VMP1: variants seen among roughly 807,000 people sequenced by gnomAD.
The protein encoded by VMP1 is ectopic P-granules autophagy protein 3 homolog.
A neutral mutation model predicts 56.0 loss-of-function variants in VMP1; 11 were observed. The observed-to-expected ratio is 0.20, with a 90% CI of 0.12 to 0.32. The LOEUF (loss-of-function observed/expected upper bound fraction) is 0.32, where lower values mean the gene tolerates loss of function less well. Among genes scored for constraint, VMP1 ranks in the 10% least tolerant of loss-of-function variants. VMP1 has a pLI of 1.00. For synonymous variants in VMP1, 149 were observed against 165.0 expected, an observed-to-expected ratio of 0.90 and a Z score of 0.74; for missense variants, 296 against 490.3, an observed-to-expected ratio of 0.60 and a Z score of 3.74.
intron 7 of VMP1, among the ~76,000 whole-genome samples, chr17:59,789,475 C>T (rs975176133): frequency 2.0e-5 from 3 of 151,684 alleles, no homozygotes; most frequent in Non-Finnish European, 4.4e-5. Context: ...GCGGAGGTTG[C>T]AGTGAGCCAA....
chr17:59,777,951 T>C (rs1473048597), intron 7 of VMP1, among the ~76,000 whole-genome samples: 1 of 152,218 alleles, frequency 6.6e-6, no homozygotes, highest in African/African-American at 2.4e-5. Context: ...TTTCCCTCTT[T>C]AGTCTCTGTT....
At chr17:59,824,750 G>A (rs1568217715) in intron 10 of VMP1, among the ~76,000 whole-genome samples, 1 of 149,572 alleles carries the variant, frequency 6.7e-6, no homozygotes, top group African/African-American at 2.5e-5. Context: ...ATGGGTGCCT[G>A]TAGTCCCAGC....
chr17:59,809,302 A>C (rs2037961097), intron 8 of VMP1, among the ~76,000 whole-genome samples: 1 of 97,838 alleles, frequency 1.0e-5, no homozygotes, highest in Admixed American at 1.3e-4. Flanking sequence ...TGGCCCATTC[A>C]ACTTTTTTTT....
intron 10 of VMP1, among the ~76,000 whole-genome samples, chr17:59,819,117 A>G (rs755860076): frequency 3.0e-4 from 46 of 152,336 alleles, no homozygotes; most frequent in Non-Finnish European, 6.3e-4. Context: ...CAGTGGAGCC[A>G]GTCATTAGTT....
intron 1 of VMP1, among the ~76,000 whole-genome samples, chr17:59,714,652 G>C (rs889985114): frequency 6.6e-6 from 1 of 151,842 alleles, no homozygotes; most frequent in African/African-American, 2.4e-5. Context: ...TGTTTTTGGT[G>C]GGGGGTGGGG....
intron 2 of VMP1, among the ~76,000 whole-genome samples, chr17:59,734,346 C>T (rs1443258321): frequency 2.6e-5 from 4 of 152,090 alleles, no homozygotes; most frequent in African/African-American, 4.8e-5. Context: ...ATATACAACG[C>T]GGATGTACTA....
At chr17:59,816,815 G>A (rs536344491) in intron 9 of VMP1, among the ~76,000 whole-genome samples, 136 of 151,684 alleles carry the variant, frequency 9.0e-4, no homozygotes, top group African/African-American at 3.1e-3. Context: ...GCGTGGTGTC[G>A]TGCGCCTGTA....
chr17:59,796,751 ATTCTT>A (rs147757139), intron 7 of VMP1, among the ~76,000 whole-genome samples: 81 of 152,300 alleles, frequency 5.3e-4, no homozygotes, highest in African/African-American at 1.9e-3. Context: ...TGACAAACAC[ATTCTT>A]TAGAACCATC....
intron 7 of VMP1, among the ~76,000 whole-genome samples, chr17:59,804,569 C>T (rs1299690619): frequency 7.0e-6 from 1 of 142,478 alleles, no homozygotes; most frequent in Middle Eastern, 3.5e-3. Flanking sequence ...GAGCCAAGAT[C>T]GCACCACTTC....
chr17:59,737,599 T>C, intron 4 of VMP1, 56 bp downstream of exon 4: 2 of 1,464,296 alleles, frequency 1.4e-6, no homozygotes, highest in Non-Finnish European at 1.9e-6. Context: ...TTCTCTAATC[T>C]CAGTTTCAAA....
At chr17:59,761,818 G>A (rs993356865) in intron 5 of VMP1, among the ~76,000 whole-genome samples, 30 of 41,458 alleles carry the variant, frequency 7.2e-4, no homozygotes, top group African/African-American at 3.4e-3. Context: ...GATTTCTAGA[G>A]TTCCTTCTCT....
chr17:59,789,017 G>T (rs1297923951), intron 7 of VMP1, among the ~76,000 whole-genome samples: 15 of 150,286 alleles, frequency 1.0e-4, no homozygotes, highest in African/African-American at 2.9e-4. Context: ...TGGGCCGGGC[G>T]CCATGGCTCA....
intron 6 of VMP1, 43 bp downstream of exon 6, chr17:59,765,181 A>G (rs1293327477): frequency 6.3e-7 from 1 of 1,594,668 alleles, no homozygotes; most frequent in Non-Finnish European, 8.6e-7. Context: ...TAACCTCACC[A>G]TCTTGATAGT....
chr17:59,839,662 T>C, intron 11 of VMP1, 106 bp from the exon 12 acceptor site: 1 of 1,398,296 alleles, frequency 7.2e-7, no homozygotes, highest in Non-Finnish European at 9.6e-7. Flanking sequence ...TTTTTAATTC[T>C]TTAGGTTTTG....
At chr17:59,737,794 G>A (rs2035071807) in intron 4 of VMP1, among the ~76,000 whole-genome samples, 1 of 151,694 alleles carries the variant, frequency 6.6e-6, no homozygotes, top group Non-Finnish European at 1.5e-5. Context: ...TTTAAAGACA[G>A]AGTCTCGCTC....
At chr17:59,767,279 T>C (rs2036267154) in intron 6 of VMP1, among the ~76,000 whole-genome samples, 1 of 152,174 alleles carries the variant, frequency 6.6e-6, no homozygotes, top group Admixed American at 6.5e-5. Flanking sequence ...AAGCAGAGTT[T>C]TGAAACACAG....
chr17:59,737,657 A>C, intron 4 of VMP1, 114 bp downstream of exon 4: 1 of 778,808 alleles, frequency 1.3e-6, no homozygotes, highest in Non-Finnish European at 2.0e-6. Flanking sequence ...ACATTATCTC[A>C]TAACTAGTAT....
At chr17:59,775,858 T>G (rs2036602303) in intron 7 of VMP1, among the ~76,000 whole-genome samples, 1 of 152,174 alleles carries the variant, frequency 6.6e-6, no homozygotes, top group Non-Finnish European at 1.5e-5. Context: ...ATCTCAGTTA[T>G]CTCAACAGAG....
intron 7 of VMP1, among the ~76,000 whole-genome samples, chr17:59,779,184 C>G (rs1412501827): frequency 6.6e-6 from 1 of 152,228 alleles, no homozygotes; most frequent in African/African-American, 2.4e-5. Context: ...TGCTGACACA[C>G]TAAAGCTAGA....
Sources: allele counts gnomAD v4.1 joint callset (sites outside exome capture counted in the v4.1 genomes callset), GRCh38; gene constraint gnomAD v4.1.1; transcripts MANE v1.5; gene names NCBI Gene and HGNC (gene_info 2026-07-23, HGNC 2026-07-21).